SGCZ: variants seen among roughly 807,000 people sequenced by gnomAD.
SGCZ encodes zeta-sarcoglycan.
SGCZ carries 40 observed loss-of-function variants against 41.3 expected under a neutral mutation model. The observed-to-expected ratio is 0.97, with a 90% CI of 0.75 to 1.26. SGCZ has a LOEUF of 1.26. Among genes scored for constraint, SGCZ ranks in the 50% most tolerant of loss-of-function variants. SGCZ has a pLI of 0.00. For missense variants in SGCZ, 552 were observed against 369.8 expected (o/e 1.49, Z -4.04); for synonymous variants, 206 against 137.5 (o/e 1.50, Z -3.49).
intron 3 of SGCZ, among the ~76,000 whole-genome samples, chr8:14,246,775 T>C (rs1389857072): frequency 1.3e-5 from 2 of 151,016 alleles, no homozygotes; most frequent in African/African-American, 4.9e-5. Flanking sequence ...CCAGTCATAG[T>C]GGCGGGCGCC....
intron 1 of SGCZ, among the ~76,000 whole-genome samples, chr8:14,836,658 C>T (rs1802712264): frequency 6.6e-6 from 1 of 152,142 alleles, no homozygotes; most frequent in South Asian, 2.1e-4. Flanking sequence ...TCACCATACC[C>T]AGGTAATTCT....
At chr8:14,644,361 A>T (rs1178780852) in intron 1 of SGCZ, among the ~76,000 whole-genome samples, 1 of 151,762 alleles carries the variant, frequency 6.6e-6, no homozygotes, top group Non-Finnish European at 1.5e-5. Context: ...GAAATCTAGA[A>T]ATCCTGCTGA....
intron 1 of SGCZ, among the ~76,000 whole-genome samples, chr8:14,858,505 G>T (rs1019789656): frequency 5.9e-5 from 9 of 152,074 alleles, no homozygotes; most frequent in African/African-American, 1.9e-4. Flanking sequence ...ATACAAGTTG[G>T]ATATAGTTGG....
intron 1 of SGCZ, among the ~76,000 whole-genome samples, chr8:14,854,339 A>C (rs982700660): frequency 6.6e-6 from 1 of 151,864 alleles, no homozygotes; most frequent in Non-Finnish European, 1.5e-5. Context: ...TATTCATTGA[A>C]TAAGATAATA....
intron 4 of SGCZ, among the ~76,000 whole-genome samples, chr8:14,227,923 G>T (rs1211835539): frequency 6.6e-6 from 1 of 151,932 alleles, no homozygotes; most frequent in Non-Finnish European, 1.5e-5. Flanking sequence ...CATAAGTAAT[G>T]GTTTCCCCCT....
At chr8:15,188,062 T>C (rs975729351) in intron 1 of SGCZ, among the ~76,000 whole-genome samples, 1 of 152,030 alleles carries the variant, frequency 6.6e-6, no homozygotes, top group Non-Finnish European at 1.5e-5. Flanking sequence ...TATTAATGTA[T>C]GCTCGTTTAA....
intron 2 of SGCZ, among the ~76,000 whole-genome samples, chr8:14,329,527 T>A (rs1802239645): frequency 6.6e-6 from 1 of 152,188 alleles, no homozygotes; most frequent in Non-Finnish European, 1.5e-5. Flanking sequence ...TCACTTTATC[T>A]CCAGCTTGGA....
At chr8:14,748,644 C>A (rs761297109) in intron 1 of SGCZ, among the ~76,000 whole-genome samples, 3 of 152,000 alleles carry the variant, frequency 2.0e-5, no homozygotes, top group African/African-American at 7.3e-5. Context: ...TAAAAGGGAG[C>A]AAGAGAGATC....
intron 1 of SGCZ, among the ~76,000 whole-genome samples, chr8:14,611,652 G>C (rs11203644): frequency 6.6e-6 from 1 of 152,018 alleles, no homozygotes; most frequent in Middle Eastern, 3.4e-3. Context: ...GAAGCCATAA[G>C]CCTCCAATAT....
At chr8:15,040,498 T>C (rs1804052690) in intron 1 of SGCZ, among the ~76,000 whole-genome samples, 1 of 152,016 alleles carries the variant, frequency 6.6e-6, no homozygotes, top group African/African-American at 2.4e-5. Flanking sequence ...GCATCTGTAA[T>C]CCCAGCTACT....
At chr8:14,311,077 A>T (rs922955384) in intron 3 of SGCZ, among the ~76,000 whole-genome samples, 7 of 151,938 alleles carry the variant, frequency 4.6e-5, no homozygotes, top group African/African-American at 1.7e-4. Flanking sequence ...TTTATAAATA[A>T]TTTTTTTTCT....
intron 1 of SGCZ, among the ~76,000 whole-genome samples, chr8:15,058,094 G>C (rs74539135): frequency 0.013 from 2,009 of 152,302 alleles, 48 homozygotes; most frequent in African/African-American, 0.045. Flanking sequence ...TTTCACGAGG[G>C]TGGTCAAGTA....
intron 4 of SGCZ, among the ~76,000 whole-genome samples, chr8:14,217,997 C>G (rs1039783880): frequency 2.0e-5 from 3 of 151,946 alleles, no homozygotes; most frequent in Admixed American, 2.0e-4. Context: ...GTAACAGAGT[C>G]TGCAAAAAAT....
intron 1 of SGCZ, among the ~76,000 whole-genome samples, chr8:15,207,860 T>A (rs938738396): frequency 4.6e-5 from 7 of 152,192 alleles, no homozygotes; most frequent in African/African-American, 1.7e-4. Flanking sequence ...ATAGAAAATA[T>A]ACCTGTTATA....
intron 2 of SGCZ, among the ~76,000 whole-genome samples, chr8:14,525,432 G>A (rs1406480643): frequency 2.0e-5 from 3 of 152,052 alleles, no homozygotes; most frequent in Non-Finnish European, 2.9e-5. Flanking sequence ...TATTATGTAT[G>A]TTATACTTTG....
intron 1 of SGCZ, among the ~76,000 whole-genome samples, chr8:14,810,536 GTC>G (rs1195055215): frequency 7.9e-5 from 12 of 151,902 alleles, no homozygotes; most frequent in Non-Finnish European, 1.5e-5. Context: ...AAAAATAAAT[GTC>G]TGTTTTGAAA....
chr8:14,704,775 T>A (rs901238431), intron 1 of SGCZ, among the ~76,000 whole-genome samples: 3 of 151,900 alleles, frequency 2.0e-5, no homozygotes, highest in African/African-American at 7.2e-5. Context: ...TTCCTTCTAC[T>A]CCTCTTTAAA....
At chr8:14,999,962 C>T (rs10088999) in intron 1 of SGCZ, among the ~76,000 whole-genome samples, 62,406 of 151,992 alleles carry the variant, frequency 0.41, 13,198 homozygotes, top group African/African-American at 0.49. Context: ...AGAATGCATA[C>T]GTGGATGCTC....
chr8:14,093,420 G>C (rs986824557), intron 7 of SGCZ, among the ~76,000 whole-genome samples: 4 of 152,004 alleles, frequency 2.6e-5, no homozygotes, highest in Admixed American at 1.3e-4. Context: ...TGGCCCAAAG[G>C]CCCTACCTAC....
Sources: gnomAD v4.1 joint callset for allele counts (sites outside exome capture counted in the v4.1 genomes callset) on GRCh38, gnomAD v4.1.1 for gene constraint, MANE v1.5 for transcripts, NCBI Gene and HGNC (gene_info 2026-07-23, HGNC 2026-07-21) for gene names.